Variants in CELF4 observed in about 807,000 individuals in gnomAD.
CELF4 encodes CUGBP Elav-like family member 4, also known as CUG-BP- and ETR-3-like factor 4.
Under a neutral mutation model 59.9 loss-of-function variants are expected in CELF4, and 18 were observed. The observed-to-expected ratio is 0.30, with a 90% CI of 0.21 to 0.45. CELF4 has a LOEUF of 0.45. CELF4 is among the 20% of genes least tolerant of loss of function. The pLI is 1.00. For missense variants in CELF4, 456 were observed against 689.0 expected (o/e 0.66, Z 3.79); for synonymous variants, 261 against 267.1 (o/e 0.98, Z 0.22).
intron 2 of CELF4, among the ~76,000 whole-genome samples, chr18:37,323,499 G>C (rs2097194709): frequency 1.3e-5 from 2 of 152,166 alleles, no homozygotes; most frequent in Non-Finnish European, 1.5e-5. Flanking sequence ...GATCCAGAAG[G>C]CCGCCCAGGC....
intron 2 of CELF4, among the ~76,000 whole-genome samples, chr18:37,373,769 T>A (rs1216134178): frequency 6.6e-6 from 1 of 152,104 alleles, no homozygotes; most frequent in Non-Finnish European, 1.5e-5. Flanking sequence ...AGGCAGGGCA[T>A]CATGCCAGCA....
intron 1 of CELF4, among the ~76,000 whole-genome samples, chr18:37,493,986 G>A (rs2099921970): frequency 6.6e-6 from 1 of 152,136 alleles, no homozygotes; most frequent in South Asian, 2.1e-4. Context: ...GCACAGAGCT[G>A]GGGTGGTCCA....
rs36044643 is a variant in CELF4, at chr18:37,311,788, C to CA, written c.448+10014dup. On this transcript the variant is annotated intron_variant, in intron 3 of 12. Transcript: ENST00000420428. ...TGGGCGACAGAACCAGACTCCGTCT[C>CA]AAAAAAAAAAAAAAAAAATTAAGTC... Among the ~76,000 whole-genome samples the CA allele has an allele frequency of 1.9e-3, 190 of 100,240 alleles. 3 individuals carry two copies. Among genetic ancestry groups the CA allele is most frequent in the East Asian group, 1.0e-2 (33 of 3,312 alleles). 65.8% of individuals were successfully genotyped at this position (100,240 alleles called of 152,430 possible).
rs151333627 is a variant in CELF4, at chr18:37,546,284, C to T, written c.286+19072G>A. 2.0e-5 allele frequency among the ~76,000 whole-genome samples: 3 copies of T among 152,324 alleles called. No homozygotes were observed. In the East Asian group the frequency reaches 5.8e-4, roughly 29 times the overall value. ...ACACGTCCGCACATCTCCTCATCTCCTCGCCCAGGTCTCACAGGCCGGGAT... is the reference window on the plus strand; with the variant it reads ...ACACGTCCGCACATCTCCTCATCTCTTCGCCCAGGTCTCACAGGCCGGGAT... On this transcript the variant is annotated intron_variant, in intron 1 of 12. Transcript: ENST00000420428.
At chr18:37,378,219 G>A (rs902911283) in intron 2 of CELF4, among the ~76,000 whole-genome samples, 19 of 152,250 alleles carry the variant, frequency 1.2e-4, no homozygotes, top group East Asian at 3.9e-4. Flanking sequence ...AGGACTGCTC[G>A]CCCCACGCCC....
intron 2 of CELF4, among the ~76,000 whole-genome samples, chr18:37,344,752 C>CTGA (rs780770192): frequency 2.8e-4 from 43 of 152,324 alleles, no homozygotes; most frequent in Admixed American, 3.3e-4. Context: ...GCTCGTGAAC[C>CTGA]TGAAGACAGA....
chr18:37,289,152 T>C (rs2095105228), intron 3 of CELF4, among the ~76,000 whole-genome samples: 1 of 150,100 alleles, frequency 6.7e-6, no homozygotes, highest in South Asian at 2.1e-4. Context: ...GGGCAGACCA[T>C]GATGGGGGAT....
At chr18:37,318,439 A>G (rs1308568236) in intron 3 of CELF4, among the ~76,000 whole-genome samples, 1 of 151,680 alleles carries the variant, frequency 6.6e-6, no homozygotes, top group Non-Finnish European at 1.5e-5. Context: ...TTAATCTTCT[A>G]AAATGTTCAC....
At chr18:37,295,284 CT>C (rs2095575880) in intron 3 of CELF4, among the ~76,000 whole-genome samples, 1 of 152,254 alleles carries the variant, frequency 6.6e-6, no homozygotes, top group East Asian at 1.9e-4. Flanking sequence ...CCAGTGGTCA[CT>C]GGTGCCAAAG....
intron 1 of CELF4, among the ~76,000 whole-genome samples, chr18:37,522,368 C>T (rs931268887): frequency 6.6e-6 from 1 of 152,138 alleles, no homozygotes; most frequent in African/African-American, 2.4e-5. Flanking sequence ...CATCTCCCTG[C>T]GGCCCGGCCC....
chr18:37,500,332 C>T (rs1299232798), intron 1 of CELF4, among the ~76,000 whole-genome samples: 1 of 152,044 alleles, frequency 6.6e-6, no homozygotes, highest in African/African-American at 2.4e-5. Flanking sequence ...TGAGAGGATC[C>T]AGGGATGGGA....
intron 2 of CELF4, among the ~76,000 whole-genome samples, chr18:37,458,465 C>T (rs1038660390): frequency 6.6e-6 from 1 of 152,218 alleles, no homozygotes; most frequent in African/African-American, 2.4e-5. Context: ...AGGAGTACTG[C>T]ATGGCCAGGT....
intron 1 of CELF4, among the ~76,000 whole-genome samples, chr18:37,499,391 G>T (rs2099928862): frequency 6.6e-6 from 1 of 152,296 alleles, no homozygotes; most frequent in Non-Finnish European, 1.5e-5. Flanking sequence ...GGGAGGGCTG[G>T]AGAGAGGAAA....
chr18:37,399,373 T>C (rs575259169), intron 2 of CELF4, among the ~76,000 whole-genome samples: 1 of 152,304 alleles, frequency 6.6e-6, no homozygotes, highest in African/African-American at 2.4e-5. Flanking sequence ...CTTCTGTTTT[T>C]CCTCCTTGGG....
chr18:37,547,155 TGTGTG>T (rs1459140409), intron 1 of CELF4, among the ~76,000 whole-genome samples: 3 of 101,540 alleles, frequency 3.0e-5, no homozygotes, highest in Admixed American at 1.3e-4. Flanking sequence ...TGTGTGTGTG[TGTGTG>T]GTGTGTGTGT....
intron 2 of CELF4, among the ~76,000 whole-genome samples, chr18:37,379,285 G>A (rs930368671): frequency 7.2e-5 from 11 of 152,242 alleles, no homozygotes; most frequent in Middle Eastern, 3.4e-3. Flanking sequence ...TGGCCCTGGC[G>A]TGGGTATGCT....
chr18:37,488,100 C>T (rs984449514), intron 1 of CELF4, among the ~76,000 whole-genome samples: 1 of 152,122 alleles, frequency 6.6e-6, no homozygotes, highest in African/African-American at 2.4e-5. Flanking sequence ...CAGAACGGCA[C>T]CCCCACCCCA....
intron 2 of CELF4, among the ~76,000 whole-genome samples, chr18:37,375,208 G>T (rs2098953692): frequency 6.6e-6 from 1 of 152,200 alleles, no homozygotes; most frequent in Admixed American, 6.5e-5. Context: ...TATTTATACA[G>T]ATACCTGCCA....
intron 2 of CELF4, among the ~76,000 whole-genome samples, chr18:37,466,781 C>T (rs2099810141): frequency 6.6e-6 from 1 of 152,132 alleles, no homozygotes; most frequent in Non-Finnish European, 1.5e-5. Context: ...CAGGAGAGGG[C>T]ATCTTATCCA....
Sources: gnomAD v4.1 joint callset for allele counts (sites outside exome capture counted in the v4.1 genomes callset) on GRCh38, gnomAD v4.1.1 for gene constraint, MANE v1.5 for transcripts, NCBI Gene and HGNC (gene_info 2026-07-23, HGNC 2026-07-21) for gene names.